P3H2: variants seen among roughly 807,000 people sequenced by gnomAD.
P3H2 encodes the protein prolyl 3-hydroxylase 2, also known as leprecan-like 1.
Under a neutral mutation model 87.0 loss-of-function variants are expected in P3H2, and 80 were observed. That is an observed-to-expected ratio of 0.92 (90% CI 0.77 to 1.11). The LOEUF (loss-of-function observed/expected upper bound fraction) is 1.11, where lower values mean the gene tolerates loss of function less well. Ranked by LOEUF, P3H2 falls within the 50% of genes least tolerant of loss-of-function variation. The pLI is 0.00. For missense variants in P3H2, 1,001 were observed against 923.9 expected (o/e 1.08, Z -1.08); for synonymous variants, 367 against 359.3 (o/e 1.02, Z -0.24).
At chr3:190,088,098 C>T (rs569725653) in intron 1 of P3H2, among the ~76,000 whole-genome samples, 32 of 152,100 alleles carry the variant, frequency 2.1e-4, no homozygotes, top group African/African-American at 7.7e-4. Flanking sequence ...TCATATGAAA[C>T]ACATGGAAAT....
chr3:190,036,485 C>CAAGGTTCATCCCACAGAT (rs11267458), intron 1 of P3H2, among the ~76,000 whole-genome samples: 1 of 151,648 alleles, frequency 6.6e-6, no homozygotes, highest in African/African-American at 2.4e-5. Flanking sequence ...TTATAGTCGA[C>CAAGGTTCATCCCACAGAT]ATGATAATTT....
chr3:190,090,480 G>C (rs1424330574), intron 1 of P3H2, among the ~76,000 whole-genome samples: 1 of 152,102 alleles, frequency 6.6e-6, no homozygotes, highest in African/African-American at 2.4e-5. Context: ...GAGGCGGGTG[G>C]ATCACGAGGT....
chr3:190,062,686 C>T (rs1011485900), intron 1 of P3H2, among the ~76,000 whole-genome samples: 80 of 152,228 alleles, frequency 5.3e-4, no homozygotes, highest in African/African-American at 1.8e-3. Flanking sequence ...TAACTAGTGA[C>T]ATAACCTTGG....
At chr3:189,994,428 G>T (rs1363151379) in intron 2 of P3H2, 145 bp from the exon 3 acceptor site, 1 of 672,988 alleles carries the variant, frequency 1.5e-6, no homozygotes, top group African/African-American at 1.8e-5. Context: ...GAGGGATAAA[G>T]AAGGGTTGCA....
chr3:190,005,643 A>G (rs1560358820), intron 1 of P3H2, among the ~76,000 whole-genome samples: 1 of 152,270 alleles, frequency 6.6e-6, no homozygotes, highest in East Asian at 1.9e-4. Flanking sequence ...TGGTATAAAT[A>G]CGCCACGTTC....
chr3:190,106,928 C>T (rs1038766356), intron 1 of P3H2, among the ~76,000 whole-genome samples: 4 of 152,062 alleles, frequency 2.6e-5, no homozygotes, highest in South Asian at 4.1e-4. Context: ...AGCATAATAC[C>T]GGGTACACAG....
Position 190,097,660 on chromosome 3 carries a change from T to C in P3H2, c.480+22592A>G, listed in dbSNP as rs551647669. ...CCACAATAAAATTATTTTATTGTTG[T>C]TGGATTGCTACATAATCTTTGGCAG... On this transcript the variant is annotated intron_variant, in intron 1 of 14. Coordinates refer to ENST00000319332, the MANE Select transcript of P3H2 (RefSeq NM_018192.4). Among the ~76,000 whole-genome samples the C allele has an allele frequency of 3.3e-5, 5 of 152,330 alleles. 1 individual carries two copies. In the East Asian group the frequency reaches 9.6e-4, roughly 29 times the overall value.
intron 12 of P3H2, 56 bp from the exon 13 acceptor site, chr3:189,970,947 C>A (rs934476596): frequency 3.1e-6 from 3 of 972,924 alleles, no homozygotes; most frequent in South Asian, 2.6e-5. Flanking sequence ...AGAGCATGGT[C>A]ATAGAATACT....
intron 1 of P3H2, among the ~76,000 whole-genome samples, chr3:190,066,158 T>TATATATATATATATATATACACACAC (rs1256956930): frequency 1.8e-3 from 236 of 134,498 alleles, no homozygotes; most frequent in Non-Finnish European, 2.4e-3. Context: ...TATATATATA[T>TATATATATATATATATATACACACAC]ACACACACAC....
intron 1 of P3H2, among the ~76,000 whole-genome samples, chr3:190,025,689 T>C (rs1345759429): frequency 1.3e-5 from 2 of 152,166 alleles, no homozygotes; most frequent in Non-Finnish European, 2.9e-5. Context: ...AAAAGTCAAA[T>C]AGAAGTATGA....
At chr3:189,981,553 G>A (rs1208171944) in intron 8 of P3H2, among the ~76,000 whole-genome samples, 1 of 152,046 alleles carries the variant, frequency 6.6e-6, no homozygotes, top group Non-Finnish European at 1.5e-5. Flanking sequence ...CAACCCATTA[G>A]CCACTTCGTC....
chr3:190,019,202 T>G (rs1005250334), intron 1 of P3H2, among the ~76,000 whole-genome samples: 35 of 152,156 alleles, frequency 2.3e-4, no homozygotes, highest in African/African-American at 8.4e-4. Context: ...AGACTGGCCC[T>G]CCCAGTGTCT....
chr3:189,963,873 C>T, intron 14 of P3H2, 85 bp downstream of exon 14: 2 of 1,415,612 alleles, frequency 1.4e-6, no homozygotes, highest in Non-Finnish European at 2.0e-6. Flanking sequence ...TTCTTTTCCT[C>T]AGACGAAGCA....
intron 3 of P3H2, among the ~76,000 whole-genome samples, chr3:189,989,972 T>C (rs767298886): frequency 6.6e-6 from 1 of 152,196 alleles, no homozygotes; most frequent in Non-Finnish European, 1.5e-5. Context: ...GCAAGAAAGA[T>C]TCATTCATGG....
chr3:190,065,510 A>T (rs1726467623), intron 1 of P3H2, among the ~76,000 whole-genome samples: 1 of 152,176 alleles, frequency 6.6e-6, no homozygotes, highest in Non-Finnish European at 1.5e-5. Flanking sequence ...TCTCTTTTAC[A>T]ACAGTCAGTG....
At chr3:189,969,918 T>C in intron 13 of P3H2, 2 of 834,072 alleles carry the variant, frequency 2.4e-6, no homozygotes, top group Non-Finnish European at 2.1e-6. Flanking sequence ...GGGAATGAAG[T>C]GGGCCAAAGA....
intron 1 of P3H2, among the ~76,000 whole-genome samples, chr3:190,084,952 A>AT (rs1553882050): frequency 2.1e-5 from 3 of 143,214 alleles, no homozygotes; most frequent in Admixed American, 2.0e-4. Flanking sequence ...GAAACAAACA[A>AT]AAAAAAAAAA....
intron 1 of P3H2, among the ~76,000 whole-genome samples, chr3:190,014,295 A>G (rs1471037082): frequency 1.3e-5 from 2 of 152,220 alleles, no homozygotes; most frequent in Non-Finnish European, 2.9e-5. Context: ...TGATGCAAAT[A>G]ATTTCACCCC....
chr3:190,099,817 G>A (rs183296838), intron 1 of P3H2, among the ~76,000 whole-genome samples: 190 of 152,296 alleles, frequency 1.2e-3, no homozygotes, highest in Non-Finnish European at 1.8e-3. Flanking sequence ...ATTTCAGAGC[G>A]GAGTCTGCAG....
Sources: allele counts gnomAD v4.1 joint callset (sites outside exome capture counted in the v4.1 genomes callset), GRCh38; gene constraint gnomAD v4.1.1; transcripts MANE v1.5; gene names NCBI Gene and HGNC (gene_info 2026-07-23, HGNC 2026-07-21).